The following USP24 variants were observed in gnomAD, a reference collection of about 807,000 sequenced individuals.
The protein encoded by USP24 is ubiquitin specific peptidase 24, also known as ubiquitin carboxyl-terminal hydrolase 24.
USP24 carries 97 observed loss-of-function variants against 361.6 expected under a neutral mutation model. That is an observed-to-expected ratio of 0.27 (90% CI 0.23 to 0.32). The LOEUF is 0.32. Among genes scored for constraint, USP24 ranks in the 10% least tolerant of loss-of-function variants. The pLI is 1.00. For missense variants in USP24, 2,353 were observed against 3,165.6 expected (o/e 0.74, Z 6.16); for synonymous variants, 1,098 against 1,124.6 (o/e 0.98, Z 0.47).
chr1:55,211,142 C>G (rs536394794), intron 1 of USP24, among the ~76,000 whole-genome samples: 1 of 152,264 alleles, frequency 6.6e-6, no homozygotes, highest in East Asian at 1.9e-4. Flanking sequence ...CCAATTGGTA[C>G]GCACTTGGCA....
intron 1 of USP24, among the ~76,000 whole-genome samples, chr1:55,183,988 C>T (rs1002004889): frequency 6.6e-6 from 1 of 152,028 alleles, no homozygotes; most frequent in Non-Finnish European, 1.5e-5. Context: ...ACTACAATAA[C>T]ATTGGGGGGG....
Position 55,214,834 on chromosome 1 carries a change from C to A in USP24, c.280G>T (p.Gly94Cys), listed in dbSNP as rs1203317149. The change falls in exon 1 of 68, where the codon GGC becomes TGC. Residue 94 changes from glycine (G) to cysteine (C), a missense_variant. Around this residue, in one of 8 missense-constraint regions of USP24, gnomAD observed 253 missense variants for 255.3 expected, o/e 0.99. Coordinates refer to ENST00000294383, the MANE Select transcript of USP24 (RefSeq NM_015306.3). The stretch of plus-strand genomic sequence containing the variant: ...TGGTAGGCGGGCGGGGGGTCGAAGC[C>A]GCCCCCGCCTCCGGTGCTCCCGCCG... ...SRGGSTGGGG[G>C]FDPPPAYHEV... 3.3e-6 allele frequency: 4 copies of A among 1,223,528 alleles called. No individual in the cohort carries two copies. The highest frequency in any genetic ancestry group is 4.1e-6 in the Non-Finnish European group (4 of 974,184). 75.8% of individuals were successfully genotyped at this position (1,223,528 alleles called of 1,614,324 possible). A position where few individuals can be genotyped will look rare whatever the true frequency, so the allele number is the denominator to read the frequency against.
chr1:55,067,703 T>C lies in USP24; in HGVS notation c.*1342A>G, dbSNP rs1434457069. The C allele has an allele frequency of 6.6e-6, 1 of 152,228 alleles. No individual in the cohort carries two copies. The highest frequency in any genetic ancestry group is 1.9e-4 in the East Asian group (1 of 5,200). The allele number at this position is 152,228 out of a possible 1,614,324, so 9.4% of individuals were successfully genotyped here. On this transcript the variant is annotated 3_prime_UTR_variant, in exon 68 of 68. Coordinates refer to ENST00000294383, the MANE Select transcript of USP24 (RefSeq NM_015306.3). The stretch of plus-strand genomic sequence containing the variant: ...AAACCTGGCACTTCCTAAGGCTCCC[T>C]AGTTCTGTGCATGGTGAGATGAAAA...
At position 55,137,526 on chromosome 1, in the gene USP24, C is replaced by CA; in HGVS notation, c.3189dup (p.Ala1064CysfsTer18). 1 of 1,612,946 alleles carries CA rather than the reference C, an allele frequency of 6.2e-7. No individual in the cohort carries two copies. Among genetic ancestry groups the CA allele is most frequent in the East Asian group, 2.2e-5 (1 of 44,860 alleles). Reference sequence around the variant, plus strand: ...TGATCACCCAGTACCTGCTCCATGGCATATGAAGAACTAAAAACCCCACTG... The same window carrying CA: ...TGATCACCCAGTACCTGCTCCATGGCAATATGAAGAACTAAAAACCCCACTG... On this transcript the variant is annotated frameshift_variant, in exon 28 of 68. Transcript: ENST00000294383. LOFTEE classifies it high-confidence loss of function.
chr1:55,096,431 C>A, intron 50 of USP24, 67 bp downstream of exon 50: 1 of 1,247,434 alleles, frequency 8.0e-7, no homozygotes. Flanking sequence ...ATAAAGAATA[C>A]TATTAATTTT....
intron 32 of USP24, among the ~76,000 whole-genome samples, chr1:55,128,675 C>G (rs74073040): frequency 0.038 from 5,801 of 151,670 alleles, 351 homozygotes; most frequent in African/African-American, 0.13. Flanking sequence ...ACCCCTCCTC[C>G]TCACAAGTAC....
rs765757920 is a variant in USP24, at chr1:55,191,162, GTATTC to G, written c.325-13035_325-13031del. Among the ~76,000 whole-genome samples the G allele has an allele frequency of 2.2e-4, 33 of 152,250 alleles. 1 individual carries two copies. In the East Asian group the frequency reaches 3.3e-3, roughly 15 times the overall value. On this transcript the variant is annotated intron_variant, in intron 1 of 67. Transcript: ENST00000294383. The stretch of plus-strand genomic sequence containing the variant: ...AATTTTTAATAACATTAAATCTTGT[GTATTC>G]AGTTGTTCAAGAAAAATAATACAGA...
At chr1:55,090,334 C>T (rs17111595) in intron 54 of USP24, among the ~76,000 whole-genome samples, 6,131 of 152,214 alleles carry the variant, frequency 0.04, 396 homozygotes, top group African/African-American at 0.14. Context: ...GTGTAAAGAG[C>T]ATGAGCAAAT....
At chr1:55,158,589 C>A (rs886191518) in intron 10 of USP24, among the ~76,000 whole-genome samples, 2 of 152,146 alleles carry the variant, frequency 1.3e-5, no homozygotes, top group African/African-American at 4.8e-5. Flanking sequence ...ACCAACTGTA[C>A]CCTTAGAGCA....
intron 12 of USP24, 82 bp from the exon 13 acceptor site, chr1:55,154,860 A>C (rs1318279505): frequency 2.0e-6 from 2 of 986,502 alleles, no homozygotes; most frequent in African/African-American, 3.3e-5. Flanking sequence ...TTACAGAAGC[A>C]CAAGCAAAAA....
At chr1:55,148,063 C>T (rs1249921445) in intron 17 of USP24, among the ~76,000 whole-genome samples, 1 of 152,012 alleles carries the variant, frequency 6.6e-6, no homozygotes, top group Non-Finnish European at 1.5e-5. Flanking sequence ...AACTATTTCA[C>T]TTCCTGTATA....
Position 55,157,029 on chromosome 1 carries a change from G to C in USP24, c.1365C>G (p.Tyr455Ter). The change falls in exon 12 of 68, where the codon TAC (tyrosine) becomes TAG (stop). Residue 455 changes from tyrosine to a stop codon, truncating the protein, a stop_gained. Coordinates refer to ENST00000294383, the MANE Select transcript of USP24 (RefSeq NM_015306.3). LOFTEE classifies it high-confidence loss of function. Reference protein sequence around the residue: ...ALEGNIDQAQYCDRIKGIIEL... With the variant: ...ALEGNIDQAQ ...CAATAATTCCCTTTATACGGTCACA[G>C]TATTGTGCTTGGTCTATGTTGCCTA... 6.2e-7 allele frequency: 1 copy of C among 1,613,102 alleles called. No homozygotes were observed. Among genetic ancestry groups the C allele is most frequent in the East Asian group, 2.2e-5 (1 of 44,804 alleles).
chr1:55,124,306 T>C (rs1251109504), intron 35 of USP24, among the ~76,000 whole-genome samples, 163 bp downstream of exon 35: 2 of 152,214 alleles, frequency 1.3e-5, no homozygotes, highest in East Asian at 3.8e-4. Context: ...TATAGGAACA[T>C]ACATAAATAC....
At chr1:55,104,062 C>T (rs1557563607) in intron 41 of USP24, 42 bp from the exon 42 acceptor site, 8 of 1,555,046 alleles carry the variant, frequency 5.1e-6, no homozygotes, top group Admixed American at 2.0e-5. Flanking sequence ...AATGAATAAT[C>T]TACTTAAATT....
Position 55,134,063 on chromosome 1 carries a change from C to T in USP24, c.3381+7G>A. 3 of 1,612,124 alleles carry T rather than the reference C, an allele frequency of 1.9e-6. No homozygotes were observed. The highest frequency in any genetic ancestry group is 2.5e-6 in the Non-Finnish European group (3 of 1,178,804). ...AAATTGCCATGCTAGTTAAAAAATA[C>T]TCATACCTTTCTTCCTAAAGAATCA... On this transcript the variant is annotated splice_region_variant and intron_variant, in intron 30 of 67. Coordinates refer to ENST00000294383, the MANE Select transcript of USP24 (RefSeq NM_015306.3).
chr1:55,156,895 T>C, intron 12 of USP24, 53 bp downstream of exon 12: 2 of 1,331,444 alleles, frequency 1.5e-6, no homozygotes, highest in Non-Finnish European at 2.2e-6. Context: ...CTTTTCGCTC[T>C]CCTGTAGTCC....
chr1:55,113,643 G>A (rs1310735183), intron 38 of USP24, among the ~76,000 whole-genome samples: 1 of 152,174 alleles, frequency 6.6e-6, no homozygotes. Context: ...CGAAATATTG[G>A]CAAACTGATT....
At chr1:55,118,466 G>A (rs568385290) in intron 38 of USP24, among the ~76,000 whole-genome samples, 2 of 152,152 alleles carry the variant, frequency 1.3e-5, no homozygotes, top group East Asian at 3.8e-4. Context: ...CAAAATGGAT[G>A]AAACACCTAA....
intron 55 of USP24, among the ~76,000 whole-genome samples, chr1:55,087,055 A>G (rs1369473275): frequency 1.3e-5 from 2 of 152,242 alleles, no homozygotes; most frequent in East Asian, 3.8e-4. Context: ...TTAGAAGACT[A>G]TACCAAGGGG....
Sources: gnomAD v4.1 joint callset for allele counts (sites outside exome capture counted in the v4.1 genomes callset) on GRCh38, gnomAD v4.1.1 for gene constraint, gnomAD v4.1.1 regional missense constraint, MANE v1.5 for transcripts, NCBI Gene and HGNC (gene_info 2026-07-23, HGNC 2026-07-21) for gene names.